The following USP27X variants were observed in gnomAD, a reference collection of about 807,000 sequenced individuals.
USP27X encodes ubiquitin carboxyl-terminal hydrolase 27.
For missense variants in USP27X, 161 were observed against 341.0 expected, an observed-to-expected ratio of 0.47 and a Z score of 4.16; for synonymous variants, 109 against 141.5, an observed-to-expected ratio of 0.77 and a Z score of 1.63.
chrX:49,880,171 C>T lies in USP27X; in HGVS notation c.-137C>T. 2.0e-6 allele frequency: 1 copy of T among 508,084 alleles called. No homozygotes were observed. The allele number at this position is 508,084 out of a possible 1,213,427, so 41.9% of individuals were successfully genotyped here. A position where few individuals can be genotyped will look rare whatever the true frequency, so the allele number is the denominator to read the frequency against. On this transcript the variant is annotated 5_prime_UTR_variant, in exon 1 of 1. Coordinates refer to ENST00000621775, the MANE Select transcript of USP27X (RefSeq NM_001145073.3). Reference sequence around the variant, plus strand: ...TCCTGCATCTGCCATGTGTGTGGCACCCATCTGAACAGACTCCACTCTTGC... The same window carrying T: ...TCCTGCATCTGCCATGTGTGTGGCATCCATCTGAACAGACTCCACTCTTGC...
chrX:49,880,721 G>A lies in USP27X; in HGVS notation c.414G>A (p.Pro138=), dbSNP rs1924370330. 4.3e-6 allele frequency: 5 copies of A among 1,168,060 alleles called. No individual in the cohort carries two copies. The highest frequency in any genetic ancestry group is 2.3e-4 in the Middle Eastern group (1 of 4,308). ...SLFRELYSGN[P]SPHVPYKLLH... ...TTCGGGAGTTGTATTCTGGAAACCC[G>A]TCTCCTCATGTGCCCTATAAGTTAC... is the stretch of plus-strand genomic sequence containing the variant. The change falls in exon 1 of 1, where the codon CCG becomes CCA. Residue 138 remains proline, a synonymous_variant. Coordinates refer to ENST00000621775, the MANE Select transcript of USP27X (RefSeq NM_001145073.3).
At position 49,880,294 on chromosome X, in the gene USP27X, G is replaced by A; in HGVS notation, c.-14G>A. On this transcript the variant is annotated 5_prime_UTR_variant, in exon 1 of 1. Coordinates refer to ENST00000621775, the MANE Select transcript of USP27X (RefSeq NM_001145073.3). The stretch of plus-strand genomic sequence containing the variant: ...TTAGCAGTAGACCTGTATTACGGAG[G>A]TATATACTGCTTTATGTGTAAGGAC... The A allele has an allele frequency of 9.0e-7, 1 of 1,112,730 alleles. No homozygotes were observed. Among genetic ancestry groups the A allele is most frequent in the Non-Finnish European group, 1.2e-6 (1 of 835,008 alleles). 91.7% of individuals were successfully genotyped at this position (1,112,730 alleles called of 1,213,427 possible). A position where few individuals can be genotyped will look rare whatever the true frequency, so the allele number is the denominator to read the frequency against.
In USP27X at chrX:49,880,590, G is replaced by T; in HGVS notation, c.283G>T (p.Ala95Ser). 1 of 1,168,322 alleles carries T rather than the reference G, an allele frequency of 8.6e-7. No homozygotes were observed. Among genetic ancestry groups the T allele is most frequent in the Non-Finnish European group, 1.1e-6 (1 of 873,291 alleles). The change falls in exon 1 of 1, where the codon GCC (alanine) becomes TCC (serine). Residue 95 changes from alanine (A) to serine (S), a missense_variant. Transcript: ENST00000621775. The stretch of plus-strand genomic sequence containing the variant: ...GTGCTTTATGAACTGCATTGTCCAG[G>T]CCCTCACCCACACGCCGATACTGAG... ...NTCFMNCIVQ[A>S]LTHTPILRDF...
rs1449872503 is a variant in USP27X at position 49,881,951 on chromosome X, G to C, written c.*327G>C. On this transcript the variant is annotated 3_prime_UTR_variant, in exon 1 of 1. Transcript: ENST00000621775. ...AGTGTGGGGGGGAGGGGGGTGGTGG[G>C]GGGGGAGTGTGCCCTTGTAACCGTA... 2 of 148,789 alleles carry C rather than the reference G, an allele frequency of 1.3e-5. No individual in the cohort carries two copies. Among genetic ancestry groups the C allele is most frequent in the Non-Finnish European group, 2.7e-5 (2 of 73,069 alleles). The allele number at this position is 148,789 out of a possible 1,213,427, so 12.3% of individuals were successfully genotyped here.
chrX:49,881,510 T>A lies in USP27X; in HGVS notation c.1203T>A (p.Thr401=). Residue 401 remains threonine (T), a synonymous_variant, in exon 1 of 1, where the codon ACT becomes ACA. Coordinates refer to ENST00000621775, the MANE Select transcript of USP27X (RefSeq NM_001145073.3). ...TCAAGTGTGATGATGCCGTCATCAC[T>A]AAGGCCAGTATTAAGGACGTACTGG... ...QWFKCDDAVI[T]KASIKDVLDS... is the part of the protein sequence containing the mutation. 8.3e-7 allele frequency: 1 copy of A among 1,209,321 alleles called. No homozygotes were observed. The highest frequency in any genetic ancestry group is 1.1e-6 in the Non-Finnish European group (1 of 893,984).
rs1557162674 is a variant in USP27X at position 49,881,070 on chromosome X, A to G, written c.763A>G (p.Ser255Gly). The change falls in exon 1 of 1, where the codon AGC (serine) becomes GGC (glycine). Residue 255 changes from serine (S) to glycine (G), a missense_variant. Transcript: ENST00000621775. ...GAGGGAGAGCAGTGTGAACGGGGAA[A>G]GCCACATACCAGGAATCACCACCCT... is the stretch of plus-strand genomic sequence containing the variant. ...PGRESSVNGE[S>G]HIPGITTLTD... 1.7e-6 allele frequency: 2 copies of G among 1,172,516 alleles called. No homozygotes were observed. The highest frequency in any genetic ancestry group is 1.1e-6 in the Non-Finnish European group (1 of 875,260).
chrX:49,881,717 G>A lies in USP27X; in HGVS notation c.*93G>A. The A allele has an allele frequency of 1.3e-6, 1 of 766,692 alleles. No homozygotes were observed. Among genetic ancestry groups the A allele is most frequent in the Non-Finnish European group, 1.9e-6 (1 of 536,752 alleles). The allele number at this position is 766,692 out of a possible 1,213,427, so 63.2% of individuals were successfully genotyped here. A position where few individuals can be genotyped will look rare whatever the true frequency, so the allele number is the denominator to read the frequency against. On this transcript the variant is annotated 3_prime_UTR_variant, in exon 1 of 1. Coordinates refer to ENST00000621775, the MANE Select transcript of USP27X (RefSeq NM_001145073.3). ...AAGGACCTACTTGACCATGGCCCAT[G>A]GGCCTGACAGAGTAAGAATTGAACA...
Position 49,880,202 on chromosome X carries a change from C to T in USP27X, c.-106C>T. The T allele has an allele frequency of 1.4e-6, 1 of 696,214 alleles. No individual in the cohort carries two copies. Among genetic ancestry groups the T allele is most frequent in the Non-Finnish European group, 2.1e-6 (1 of 473,941 alleles). 57.4% of individuals were successfully genotyped at this position (696,214 alleles called of 1,213,427 possible). On this transcript the variant is annotated 5_prime_UTR_variant, in exon 1 of 1. Transcript: ENST00000621775. ...TGAACAGACTCCACTCTTGCCTTTC[C>T]TGTGTCTTCTTTGGCTGCTTCACGG...
Position 49,880,277 on chromosome X carries a change from A to T in USP27X, c.-31A>T. On this transcript the variant is annotated 5_prime_UTR_variant, in exon 1 of 1. Transcript: ENST00000621775. ...AGACGAAACAACACAACTTAGCAGT[A>T]GACCTGTATTACGGAGGTATATACT... 2 of 1,060,394 alleles carry T rather than the reference A, an allele frequency of 1.9e-6. No homozygotes were observed. Among genetic ancestry groups the T allele is most frequent in the Non-Finnish European group, 2.5e-6 (2 of 798,380 alleles). The allele number at this position is 1,060,394 out of a possible 1,213,427, so 87.4% of individuals were successfully genotyped here.
chrX:49,879,633 A>G lies in USP27X; in HGVS notation c.-675A>G, dbSNP rs1924339097. On this transcript the variant is annotated 5_prime_UTR_variant, in exon 1 of 1. Coordinates refer to ENST00000621775, the MANE Select transcript of USP27X (RefSeq NM_001145073.3). ...GGCGGGGAAGGTGGACGCCACCGAG[A>G]AGGTGGAGACGGCGGGGAAGGTGGA... Among the ~76,000 whole-genome samples, 1 of 108,857 alleles carries G rather than the reference A, an allele frequency of 9.2e-6. No individual in the cohort carries two copies. Among genetic ancestry groups the G allele is most frequent in the African/African-American group, 3.4e-5 (1 of 29,729 alleles). The allele number at this position is 108,857 out of a possible 115,157, so 94.5% of individuals were successfully genotyped here.
Position 49,880,937 on chromosome X carries a change from T to C in USP27X, c.630T>C (p.Asp210=), listed in dbSNP as rs781795067. The C allele has an allele frequency of 4.3e-5, 52 of 1,206,904 alleles. No homozygotes were observed. Among genetic ancestry groups the C allele is most frequent in the Non-Finnish European group, 5.7e-5 (51 of 893,640 alleles). ...DQIFTGGLQS[D]VTCQACHGVS... Reference sequence around the variant, plus strand: ...TCTTCACAGGTGGCCTGCAGTCTGATGTCACCTGTCAAGCCTGCCATGGCG... The same window carrying C: ...TCTTCACAGGTGGCCTGCAGTCTGACGTCACCTGTCAAGCCTGCCATGGCG... Residue 210 remains aspartate, a synonymous_variant, in exon 1 of 1, where the codon GAT becomes GAC. Transcript: ENST00000621775.
chrX:49,881,343 A>C lies in USP27X; in HGVS notation c.1036A>C (p.Arg346=), dbSNP rs782150182. 1 of 1,184,981 alleles carries C rather than the reference A, an allele frequency of 8.4e-7. No individual in the cohort carries two copies. The highest frequency in any genetic ancestry group is 3.1e-5 in the East Asian group (1 of 32,507). ...TPFMASSKES[R]MNGQLQLPTN... ...GTTTATGGCCTCAAGTAAAGAGAGC[A>C]GAATGAATGGACAATTGCAGCTGCC... Residue 346 remains arginine (R), a synonymous_variant, in exon 1 of 1, where the codon AGA becomes CGA. Coordinates refer to ENST00000621775, the MANE Select transcript of USP27X (RefSeq NM_001145073.3).
rs1195113980 is a variant in USP27X at position 49,882,342 on chromosome X, G to GT, written c.*720dup. On this transcript the variant is annotated 3_prime_UTR_variant, in exon 1 of 1. Coordinates refer to ENST00000621775, the MANE Select transcript of USP27X (RefSeq NM_001145073.3). Reference sequence around the variant, plus strand: ...TCAGCTAAGAGTATAGTGTGTGTGTGTTAAAAAAAAAAAAAAAAAAAGAAA... The same window carrying GT: ...TCAGCTAAGAGTATAGTGTGTGTGTGTTTAAAAAAAAAAAAAAAAAAAGAAA... 9 of 55,422 alleles carry GT rather than the reference G, an allele frequency of 1.6e-4. No homozygotes were observed. The highest frequency in any genetic ancestry group is 5.9e-4 in the African/African-American group (9 of 15,127). The allele number at this position is 55,422 out of a possible 1,213,427, so 4.6% of individuals were successfully genotyped here.
In USP27X at chrX:49,881,463, C is replaced by T. The variant is rs782353990; in HGVS notation, c.1156C>T (p.Arg386Trp). 1.7e-6 allele frequency: 2 copies of T among 1,211,323 alleles called. No homozygotes were observed. Among genetic ancestry groups the T allele is most frequent in the Non-Finnish European group, 2.2e-6 (2 of 895,290 alleles). ...LESGHYTSFIRHHKDQWFKCD... is the reference protein window; with the variant it reads ...LESGHYTSFIWHHKDQWFKCD... The stretch of plus-strand genomic sequence containing the variant: ...GAGTGGCCACTATACCAGCTTCATC[C>T]GGCACCACAAGGACCAGTGGTTCAA... Residue 386 changes from arginine (R) to tryptophan (W), a missense_variant, in exon 1 of 1, where the codon CGG (arginine) becomes TGG (tryptophan). Coordinates refer to ENST00000621775, the MANE Select transcript of USP27X (RefSeq NM_001145073.3).
Position 49,881,358 on chromosome X carries a change from T to G in USP27X, c.1051T>G (p.Leu351Val). The change falls in exon 1 of 1, where the codon TTG becomes GTG. Residue 351 changes from leucine to valine, a missense_variant. By Grantham distance (32) the Leu-to-Val change is conservative. Coordinates refer to ENST00000621775, the MANE Select transcript of USP27X (RefSeq NM_001145073.3). ...SSKESRMNGQ[L>V]QLPTNSGNNE... Reference sequence around the variant, plus strand: ...TAAAGAGAGCAGAATGAATGGACAATTGCAGCTGCCAACCAATAGTGGAAA... The same window carrying G: ...TAAAGAGAGCAGAATGAATGGACAAGTGCAGCTGCCAACCAATAGTGGAAA... 1 of 1,191,214 alleles carries G rather than the reference T, an allele frequency of 8.4e-7. No homozygotes were observed. Among genetic ancestry groups the G allele is most frequent in the Non-Finnish European group, 1.1e-6 (1 of 884,730 alleles).
Position 49,880,586 on chromosome X carries a change from C to T in USP27X, c.279C>T (p.Val93=). 3 of 1,168,397 alleles carry T rather than the reference C, an allele frequency of 2.6e-6. No homozygotes were observed. Among genetic ancestry groups the T allele is most frequent in the Admixed American group, 5.1e-5 (2 of 38,852 alleles). The change falls in exon 1 of 1, where the codon GTC becomes GTT. Residue 93 remains valine, a synonymous_variant. Coordinates refer to ENST00000621775, the MANE Select transcript of USP27X (RefSeq NM_001145073.3). ...LGNTCFMNCI[V]QALTHTPILR... is the part of the protein sequence containing the mutation. Reference sequence around the variant, plus strand: ...ACACGTGCTTTATGAACTGCATTGTCCAGGCCCTCACCCACACGCCGATAC... The same window carrying T: ...ACACGTGCTTTATGAACTGCATTGTTCAGGCCCTCACCCACACGCCGATAC...
chrX:49,881,903 T>TC lies in USP27X; in HGVS notation c.*281dup, dbSNP rs1416124104. 4.4e-5 allele frequency: 4 copies of TC among 91,393 alleles called. No homozygotes were observed. Among genetic ancestry groups the TC allele is most frequent in the African/African-American group, 2.1e-4 (4 of 18,806 alleles). 7.5% of individuals were successfully genotyped at this position (91,393 alleles called of 1,213,427 possible). On this transcript the variant is annotated 3_prime_UTR_variant, in exon 1 of 1. Coordinates refer to ENST00000621775, the MANE Select transcript of USP27X (RefSeq NM_001145073.3). ...GCTGACACTGGTACATATCCTATAT[T>TC]CCTCCAAAAGATTGTGTGGGAAAGT...
At position 49,880,596 on chromosome X, in the gene USP27X, A is replaced by G. The variant is rs1557162535; in HGVS notation, c.289A>G (p.Thr97Ala). 1 of 1,168,007 alleles carries G rather than the reference A, an allele frequency of 8.6e-7. No individual in the cohort carries two copies. The highest frequency in any genetic ancestry group is 1.9e-5 in the South Asian group (1 of 52,689). ...CFMNCIVQALTHTPILRDFFL... is the reference protein window; with the variant it reads ...CFMNCIVQALAHTPILRDFFL... Reference sequence around the variant, plus strand: ...TATGAACTGCATTGTCCAGGCCCTCACCCACACGCCGATACTGAGAGATTT... The same window carrying G: ...TATGAACTGCATTGTCCAGGCCCTCGCCCACACGCCGATACTGAGAGATTT... The change falls in exon 1 of 1, where the codon ACC becomes GCC. Residue 97 changes from threonine to alanine, a missense_variant. By Grantham distance (58) the Thr-to-Ala change is moderately conservative. Coordinates refer to ENST00000621775, the MANE Select transcript of USP27X (RefSeq NM_001145073.3).
In USP27X at chrX:49,879,733, C is replaced by G; in HGVS notation, c.-575C>G. Among the ~76,000 whole-genome samples, 1 of 111,432 alleles carries G rather than the reference C, an allele frequency of 9.0e-6. No homozygotes were observed. ...CTCAAGCTGGAGCCCGAACCCGAGC[C>G]GGTCCGGGAGGCGGAGCAGGAGCCG... is the stretch of plus-strand genomic sequence containing the variant. On this transcript the variant is annotated 5_prime_UTR_variant, in exon 1 of 1. Coordinates refer to ENST00000621775, the MANE Select transcript of USP27X (RefSeq NM_001145073.3).
Sources: gnomAD v4.1 joint callset for allele counts (sites outside exome capture counted in the v4.1 genomes callset) on GRCh38, gnomAD v4.1.1 for gene constraint, MANE v1.5 for transcripts, NCBI Gene and HGNC (gene_info 2026-07-23, HGNC 2026-07-21) for gene names.